FAM161B: variants seen among roughly 807,000 people sequenced by gnomAD.
FAM161B encodes the protein FAM161 centrosomal protein B.
A neutral mutation model predicts 61.5 loss-of-function variants in FAM161B; 46 were observed. That is an observed-to-expected ratio of 0.75 (90% confidence interval 0.59 to 0.96). FAM161B has a LOEUF of 0.96. Among genes scored for constraint, FAM161B ranks in the 40% least tolerant of loss-of-function variants. The probability of loss-of-function intolerance (pLI) is 0.00; values close to 1 mark genes in which losing one functional copy is unlikely to be tolerated. For missense variants in FAM161B, 774 were observed against 800.7 expected, an observed-to-expected ratio of 0.97 and a Z score of 0.40; for synonymous variants, 284 against 302.7, an observed-to-expected ratio of 0.94 and a Z score of 0.64.
At chr14:73,931,569 ACT>A, downstream of FAM161B, 1 of 1,606,970 alleles carries the variant, frequency 6.2e-7, no homozygotes, top group Non-Finnish European at 8.5e-7. Context: ...TGGAAGAGCA[ACT>A]CTATCTGATC....
downstream of FAM161B, among the ~76,000 whole-genome samples, chr14:73,930,680 G>A (rs2055898428): frequency 6.6e-6 from 1 of 150,772 alleles, no homozygotes; most frequent in African/African-American, 2.4e-5. Flanking sequence ...ATAGCTCACT[G>A]CACCCTTGAA....
At chr14:73,931,431 C>G (rs951563027), downstream of FAM161B, 2 of 1,403,836 alleles carry the variant, frequency 1.4e-6, no homozygotes, top group African/African-American at 2.9e-5. Flanking sequence ...ACTCTTAATA[C>G]TTTTTACTAT....
chr14:73,945,772 T>G (rs1203748217), intron 2 of FAM161B, among the ~76,000 whole-genome samples: 1 of 151,766 alleles, frequency 6.6e-6, no homozygotes, highest in Non-Finnish European at 1.5e-5. Flanking sequence ...GACAGAGTCT[T>G]GCTCTGTTGC....
chr14:73,936,862 A>G (rs148837258), intron 7 of FAM161B, among the ~76,000 whole-genome samples: 1 of 152,296 alleles, frequency 6.6e-6, no homozygotes, highest in African/African-American at 2.4e-5. Flanking sequence ...TGGAACCCCA[A>G]CTTGTCTGAA....
chr14:73,932,120 C>T, downstream of FAM161B: 2 of 438,822 alleles, frequency 4.6e-6, no homozygotes, highest in Admixed American at 2.4e-5. Flanking sequence ...GAGGTACTAT[C>T]TTGTCCTATA....
At chr14:73,942,338 C>G in intron 4 of FAM161B, 31 bp downstream of exon 4, 1 of 1,603,806 alleles carries the variant, frequency 6.2e-7, no homozygotes, top group Non-Finnish European at 8.5e-7. Context: ...GGCCGCAGCC[C>G]TGACCCTCCC....
intron 5 of FAM161B, among the ~76,000 whole-genome samples, chr14:73,938,767 G>A (rs1397922223): frequency 1.3e-5 from 2 of 152,070 alleles, no homozygotes; most frequent in East Asian, 1.9e-4. Flanking sequence ...GAGAGACTCC[G>A]TCTCAAAAAA....
At chr14:73,938,142 G>C (rs1019873828) in intron 5 of FAM161B, 30 bp from the exon 6 acceptor site, 13 of 1,611,776 alleles carry the variant, frequency 8.1e-6, no homozygotes, top group African/African-American at 4.0e-5. Flanking sequence ...AAAGAGTATA[G>C]ATTACCAACC....
chr14:73,944,751 G>A lies in FAM161B; in HGVS notation c.509C>T (p.Thr170Ile). 1.3e-6 allele frequency: 2 copies of A among 1,596,944 alleles called. No individual in the cohort carries two copies. The highest frequency in any genetic ancestry group is 1.3e-5 in the African/African-American group (1 of 74,728). The change falls in exon 3 of 9, where the codon ACT (threonine) becomes ATT (isoleucine). Residue 170 changes from threonine to isoleucine, a missense_variant. Thr to Ile is a moderately conservative substitution (Grantham distance 89). Transcript: ENST00000286544. ...CGTCATGCGGAATGGCCGAGGGACAGTAATGGATGATGCCCAGGAGCTGAC... is the reference window on the plus strand; with the variant it reads ...CGTCATGCGGAATGGCCGAGGGACAATAATGGATGATGCCCAGGAGCTGAC... ...RSVSSWASSI[T>I]VPRPFRMTLR...
intron 3 of FAM161B, among the ~76,000 whole-genome samples, chr14:73,943,047 T>C (rs1165605394): frequency 6.6e-6 from 1 of 152,138 alleles, no homozygotes; most frequent in Non-Finnish European, 1.5e-5. Context: ...CTTTCTATGA[T>C]TGCTTCTTCA....
At chr14:73,940,799 G>C in intron 5 of FAM161B, 127 bp downstream of exon 5, 1 of 1,353,974 alleles carries the variant, frequency 7.4e-7, no homozygotes. Flanking sequence ...TTCCAGTCCT[G>C]ATCAGAAAAT....
intron 1 of FAM161B, 48 bp from the exon 2 acceptor site, chr14:73,946,653 G>T: frequency 6.4e-7 from 1 of 1,562,392 alleles, no homozygotes; most frequent in Non-Finnish European, 8.7e-7. Context: ...AATTTCAAAG[G>T]TATTCAAATC....
downstream of FAM161B, chr14:73,927,727 T>G (rs1034710184): frequency 6.6e-6 from 1 of 152,038 alleles, no homozygotes; most frequent in African/African-American, 2.4e-5. Context: ...CTGCCTCAAA[T>G]AGCTTATAGG....
At chr14:73,947,398 A>AG (rs1017968624) in intron 1 of FAM161B, among the ~76,000 whole-genome samples, 1 of 151,654 alleles carries the variant, frequency 6.6e-6, no homozygotes, top group African/African-American at 2.4e-5. Context: ...AAAAAAAAAA[A>AG]AAAAAAGGAA....
chr14:73,934,390 G>A lies in FAM161B; in HGVS notation c.1810C>T (p.Gln604Ter). 2 of 1,596,256 alleles carry A rather than the reference G, an allele frequency of 1.3e-6. No homozygotes were observed. Among genetic ancestry groups the A allele is most frequent in the Non-Finnish European group, 1.7e-6 (2 of 1,175,518 alleles). ...ETKIKDFPRF[Q>*]ETTKLSIRDP... The stretch of plus-strand genomic sequence containing the variant: ...CTGATGCTGAGTTTTGTAGTTTCTT[G>A]GAACCTGCAGAATAAATTAAAACAT... The change falls in exon 9 of 9, where the codon CAA becomes TAA. Residue 604 changes from glutamine (Q) to a stop codon, truncating the protein, a stop_gained. Coordinates refer to ENST00000286544, the MANE Select transcript of FAM161B (RefSeq NM_152445.3). LOFTEE classifies it low-confidence loss of function (END_TRUNC).
At chr14:73,945,008 G>GC in intron 2 of FAM161B, 123 bp from the exon 3 acceptor site, 1 of 682,308 alleles carries the variant, frequency 1.5e-6, no homozygotes, top group East Asian at 2.9e-5. Context: ...TAACACCACA[G>GC]CCCCACAGGC....
chr14:73,940,910 C>T lies in FAM161B; in HGVS notation c.1400+16G>A. ...CCAGAATCAGAGCATGGGTCTCGTG[C>T]AGCCTGACCACTCACCTGACTGCAG... On this transcript the variant is annotated intron_variant, in intron 5 of 8. Coordinates refer to ENST00000286544, the MANE Select transcript of FAM161B (RefSeq NM_152445.3). The T allele has an allele frequency of 1.9e-6, 3 of 1,601,560 alleles. No individual in the cohort carries two copies. Among genetic ancestry groups the T allele is most frequent in the Non-Finnish European group, 2.6e-6 (3 of 1,174,544 alleles).
At chr14:73,926,842 G>A (rs1328715390), downstream of FAM161B, among the ~76,000 whole-genome samples, 1 of 152,098 alleles carries the variant, frequency 6.6e-6, no homozygotes, top group African/African-American at 2.4e-5. Flanking sequence ...CTAAAAACTG[G>A]TAGTTACATT....
rs6574155 is a variant in FAM161B at position 73,932,509 on chromosome 14, C to T, written c.*1747G>A. On this transcript the variant is annotated 3_prime_UTR_variant, in exon 9 of 9. Coordinates refer to ENST00000286544, the MANE Select transcript of FAM161B (RefSeq NM_152445.3). ...AAAATGGCAATAAAAACAGATACTT[C>T]TGAATTTTTCCACAAAGATAGTTTT... 0.67 allele frequency: 302,315 copies of T among 450,434 alleles called. 102,174 individuals carry two copies. Among genetic ancestry groups the T allele is most frequent in the South Asian group, 0.73 (45,911 of 63,094 alleles). The allele number at this position is 450,434 out of a possible 1,614,324, so 27.9% of individuals were successfully genotyped here. A position where few individuals can be genotyped will look rare whatever the true frequency, so the allele number is the denominator to read the frequency against.
Sources: gnomAD v4.1 joint callset for allele counts (sites outside exome capture counted in the v4.1 genomes callset) on GRCh38, gnomAD v4.1.1 for gene constraint, MANE v1.5 for transcripts, NCBI Gene and HGNC (gene_info 2026-07-23, HGNC 2026-07-21) for gene names.